Variants in ZNF777 observed in about 807,000 individuals in gnomAD.
ZNF777 encodes zinc finger protein 777.
ZNF777 carries 7 observed loss-of-function variants against 72.1 expected under a neutral mutation model. The ratio of observed to expected loss-of-function variants is 0.10; its 90% confidence interval spans 0.06 to 0.18. The LOEUF is 0.18. ZNF777 is among the 10% of genes least tolerant of loss of function. The probability of loss-of-function intolerance (pLI) is 1.00; values close to 1 mark genes in which losing one functional copy is unlikely to be tolerated. For missense variants in ZNF777, 828 were observed against 1,128.6 expected (o/e 0.73, Z 3.82); for synonymous variants, 545 against 483.5 (o/e 1.13, Z -1.67).
At position 149,454,143 on chromosome 7, in the gene ZNF777, A is replaced by C; in HGVS notation, c.941T>G (p.Met314Arg). The change falls in exon 3 of 6, where the codon ATG (methionine) becomes AGG (arginine). Residue 314 changes from methionine (M) to arginine (R), a missense_variant. Physicochemically the swap from Met to Arg is moderately conservative, Grantham distance 91. Around this residue, in one of 12 missense-constraint regions of ZNF777, gnomAD observed 73 missense variants for 90.6 expected, o/e 0.81. Coordinates refer to ENST00000247930, the MANE Select transcript of ZNF777 (RefSeq NM_015694.3). ...AACCAGGGACTCGTAGTTGCCCCTC[A>C]TCACGTTCTTGTAGAGCTCCTTCTG... is the stretch of plus-strand genomic sequence containing the variant. ...EWQKELYKNV[M>R]RGNYESLVSM... 1 of 1,614,208 alleles carries C rather than the reference A, an allele frequency of 6.2e-7. No homozygotes were observed. The highest frequency in any genetic ancestry group is 8.5e-7 in the Non-Finnish European group (1 of 1,180,028).
At chr7:149,434,947 A>C (rs981710294) in intron 5 of ZNF777, among the ~76,000 whole-genome samples, 7 of 151,974 alleles carry the variant, frequency 4.6e-5, no homozygotes, top group African/African-American at 1.7e-4. Context: ...AAAACTCAAG[A>C]CTCAAAACTC....
At chr7:149,448,102 T>C (rs2116592218) in intron 4 of ZNF777, among the ~76,000 whole-genome samples, 1 of 152,316 alleles carries the variant, frequency 6.6e-6, no homozygotes, top group South Asian at 2.1e-4. Context: ...TTTTGGATTC[T>C]TTTTCCTGCT....
intron 3 of ZNF777, among the ~76,000 whole-genome samples, chr7:149,451,938 G>A (rs10282239): frequency 0.041 from 6,262 of 152,246 alleles, 446 homozygotes; most frequent in African/African-American, 0.14. Flanking sequence ...GTAATTCATA[G>A]AAGAAATATG....
Position 149,431,458 on chromosome 7 carries a change from C to T in ZNF777, c.*318G>A. 2.2e-6 allele frequency: 1 copy of T among 444,666 alleles called. No individual in the cohort carries two copies. Among genetic ancestry groups the T allele is most frequent in the South Asian group, 1.6e-5 (1 of 62,448 alleles). The allele number at this position is 444,666 out of a possible 1,614,324, so 27.5% of individuals were successfully genotyped here. On this transcript the variant is annotated 3_prime_UTR_variant, in exon 6 of 6. Transcript: ENST00000247930. Reference sequence around the variant, plus strand: ...CCCCAACTAGATGGGCCCTACACCGCCCCTCTGAGTGGCCGGCGGCCAAAT... The same window carrying T: ...CCCCAACTAGATGGGCCCTACACCGTCCCTCTGAGTGGCCGGCGGCCAAAT...
chr7:149,450,281 G>A (rs1009162451), intron 4 of ZNF777, among the ~76,000 whole-genome samples: 6 of 152,202 alleles, frequency 3.9e-5, no homozygotes, highest in African/African-American at 1.4e-4. Flanking sequence ...CCCAGCTGCT[G>A]TGAATGGGGC....
At chr7:149,452,378 C>T (rs1292084179) in intron 3 of ZNF777, among the ~76,000 whole-genome samples, 1 of 151,914 alleles carries the variant, frequency 6.6e-6, no homozygotes, top group East Asian at 1.9e-4. Flanking sequence ...CGCCTGTAAT[C>T]CCAGCACTTT....
chr7:149,440,784 T>C (rs373945933), intron 4 of ZNF777, among the ~76,000 whole-genome samples: 6 of 149,962 alleles, frequency 4.0e-5, no homozygotes, highest in African/African-American at 1.2e-4. Flanking sequence ...AGAGATGGAC[T>C]AAGGACTGGA....
chr7:149,440,662 G>GTT (rs1334016961), intron 4 of ZNF777, among the ~76,000 whole-genome samples: 7 of 124,578 alleles, frequency 5.6e-5, no homozygotes, highest in South Asian at 2.9e-4. Flanking sequence ...CCAGCAGCCT[G>GTT]TTGTTTTTTT....
At chr7:149,457,813 T>A (rs1799861992) in intron 1 of ZNF777, among the ~76,000 whole-genome samples, 1 of 152,242 alleles carries the variant, frequency 6.6e-6, no homozygotes, top group Non-Finnish European at 1.5e-5. Context: ...TTATCTCATT[T>A]AATCCTCACA....
intron 3 of ZNF777, among the ~76,000 whole-genome samples, chr7:149,452,066 C>T (rs945957169): frequency 2.6e-5 from 4 of 151,344 alleles, no homozygotes; most frequent in African/African-American, 4.9e-5. Context: ...GAGATCGAGA[C>T]CATCCTGGCT....
chr7:149,457,057 G>A (rs1263377631), intron 1 of ZNF777, among the ~76,000 whole-genome samples: 1 of 152,164 alleles, frequency 6.6e-6, no homozygotes, highest in Admixed American at 6.5e-5. Context: ...GAAGGATGGG[G>A]AAGTAGAGCA....
At position 149,436,430 on chromosome 7, in the gene ZNF777, G is replaced by A. The variant is rs1037896742; in HGVS notation, c.1339+145C>T. The A allele has an allele frequency of 1.1e-5, 11 of 972,956 alleles. No homozygotes were observed. Among genetic ancestry groups the A allele is most frequent in the Non-Finnish European group, 1.7e-5 (11 of 658,174 alleles). 60.3% of individuals were successfully genotyped at this position (972,956 alleles called of 1,614,324 possible). Reference sequence around the variant, plus strand: ...CCCGCGTCACGGAGCCTATACTCGAGGCCGTGCTTGGTAATTCTTTCCCAC... The same window carrying A: ...CCCGCGTCACGGAGCCTATACTCGAAGCCGTGCTTGGTAATTCTTTCCCAC... On this transcript the variant is annotated intron_variant, in intron 5 of 5. Transcript: ENST00000247930. The surrounding 1 kb of genome is among the most constrained non-coding windows in gnomAD (Gnocchi z 5.0).
rs766514447 is a variant in ZNF777, at chr7:149,455,630, G to A, written c.393C>T (p.Ser131=). Residue 131 remains serine (S), a synonymous_variant, in exon 2 of 6, where the codon TCC becomes TCT. Coordinates refer to ENST00000247930, the MANE Select transcript of ZNF777 (RefSeq NM_015694.3). This position sits in a 1 kb window ranked among gnomAD's most constrained non-coding sequence, Gnocchi z 4.2. ...GGGGGTCTTTCTCAGGAGCTTCAGG[G>A]GAGTGAACGGGGGCTTCCTGGTGGT... The part of the protein sequence containing the change: ...SPHHQEAPVH[S]PEAPEKDPLT... The A allele has an allele frequency of 6.3e-7, 1 of 1,591,816 alleles. No homozygotes were observed. The highest frequency in any genetic ancestry group is 8.5e-7 in the Non-Finnish European group (1 of 1,169,652).
At chr7:149,453,310 G>A (rs115035383) in intron 3 of ZNF777, among the ~76,000 whole-genome samples, 1,636 of 151,950 alleles carry the variant, frequency 0.011, 30 homozygotes, top group African/African-American at 0.038. Context: ...TAAAAGGAAG[G>A]GAATGTATCC....
rs371103473 is a variant in ZNF777 at position 149,436,562 on chromosome 7, G to A, written c.1339+13C>T. On this transcript the variant is annotated intron_variant, in intron 5 of 5. Transcript: ENST00000247930. The surrounding 1 kb of genome is among the most constrained non-coding windows in gnomAD (Gnocchi z 5.0). ...TGGCAACCCTTCCCCGGCCGTCCCC[G>A]CCCAGCACTCACCCGTGCAGTTCCT... is the stretch of plus-strand genomic sequence containing the variant. 98 of 1,584,658 alleles carry A rather than the reference G, an allele frequency of 6.2e-5. No individual in the cohort carries two copies. Among genetic ancestry groups the A allele is most frequent in the African/African-American group, 4.4e-4 (33 of 74,628 alleles).
In ZNF777 at chr7:149,436,577, G is replaced by A. The variant is rs753305893; in HGVS notation, c.1337C>T (p.Thr446Met). ...GGCCGTCCCCGCCCAGCACTCACCCGTGCAGTTCCTCTGCTGCACCAGCAT... is the reference window on the plus strand; with the variant it reads ...GGCCGTCCCCGCCCAGCACTCACCCATGCAGTTCCTCTGCTGCACCAGCAT... ...KQMLVQQRNC[T>M]EGIVIKTEEQ... Residue 446 changes from threonine to methionine, a missense_variant and splice_region_variant, in exon 5 of 6, where the codon ACG (threonine) becomes ATG (methionine). Thr to Met is a moderately conservative substitution (Grantham distance 81). Transcript: ENST00000247930. The surrounding 1 kb of genome is among the most constrained non-coding windows in gnomAD (Gnocchi z 5.0). The A allele has an allele frequency of 5.6e-6, 9 of 1,600,878 alleles. No homozygotes were observed. Among genetic ancestry groups the A allele is most frequent in the Admixed American group, 1.7e-5 (1 of 59,794 alleles).
Position 149,436,974 on chromosome 7 carries a change from T to G in ZNF777, c.1088-148A>C. 3 of 1,024,924 alleles carry G rather than the reference T, an allele frequency of 2.9e-6. No homozygotes were observed. Among genetic ancestry groups the G allele is most frequent in the Non-Finnish European group, 4.1e-6 (3 of 723,066 alleles). The allele number at this position is 1,024,924 out of a possible 1,614,324, so 63.5% of individuals were successfully genotyped here. A position where few individuals can be genotyped will look rare whatever the true frequency, so the allele number is the denominator to read the frequency against. On this transcript the variant is annotated intron_variant, in intron 4 of 5. Transcript: ENST00000247930. This position sits in a 1 kb window ranked among gnomAD's most constrained non-coding sequence, Gnocchi z 5.0. ...AATGTAATATTGAGTTGGAAATGAG[T>G]AGACACAGAATTTTCTGGACACCTT... is the stretch of plus-strand genomic sequence containing the variant.
chr7:149,447,644 G>A (rs1393470486), intron 4 of ZNF777, among the ~76,000 whole-genome samples: 1 of 152,190 alleles, frequency 6.6e-6, no homozygotes, highest in Non-Finnish European at 1.5e-5. Flanking sequence ...GAAAGAACCT[G>A]CAAGTAGTCT....
At position 149,432,366 on chromosome 7, in the gene ZNF777, A is replaced by G; in HGVS notation, c.1906T>C (p.Tyr636His). 6.2e-7 allele frequency: 1 copy of G among 1,612,688 alleles called. No individual in the cohort carries two copies. ...CTGCTGTCGCACTCGGGGCACTTGT[A>G]GGGCTTAGGGCCACCGCCGCCGCTA... is the stretch of plus-strand genomic sequence containing the variant. ...SGSGGGGPKP[Y>H]KCPECDSSFS... Residue 636 changes from tyrosine to histidine, a missense_variant, in exon 6 of 6, where the codon TAC becomes CAC. Around this residue, in one of 12 missense-constraint regions of ZNF777, gnomAD observed 100 missense variants for 106.2 expected, o/e 0.94. Transcript: ENST00000247930.
Sources: allele counts gnomAD v4.1 joint callset (sites outside exome capture counted in the v4.1 genomes callset), GRCh38; gene constraint gnomAD v4.1.1; regional missense constraint gnomAD v4.1.1; non-coding constraint Gnocchi (gnomAD v3.1); transcripts MANE v1.5; gene names NCBI Gene and HGNC (gene_info 2026-07-23, HGNC 2026-07-21).